Variants in DCK observed in about 807,000 individuals in gnomAD.
DCK encodes the protein deoxycytidine kinase.
Under a neutral mutation model 38.3 loss-of-function variants are expected in DCK, and 23 were observed. That is an observed-to-expected ratio of 0.60 (90% confidence interval 0.43 to 0.85). The LOEUF (loss-of-function observed/expected upper bound fraction) is 0.85. Among genes scored for constraint, DCK ranks in the 40% least tolerant of loss-of-function variants. The pLI, the probability that DCK is intolerant of heterozygous loss-of-function variation, is 0.00. For missense variants in DCK, 259 were observed against 304.4 expected (o/e 0.85, Z 1.11); for synonymous variants, 108 against 100.6 (o/e 1.07, Z -0.44).
At chr4:71,029,252 T>G in intron 6 of DCK, 100 bp from the exon 7 acceptor site, 1 of 682,256 alleles carries the variant, frequency 1.5e-6, no homozygotes. Flanking sequence ...CTTATACAGC[T>G]GGGGTCTTCA....
chr4:70,998,846 CCAGGCAG>C (rs1408944639), intron 2 of DCK, among the ~76,000 whole-genome samples: 5 of 151,696 alleles, frequency 3.3e-5, no homozygotes, highest in Non-Finnish European at 5.9e-5. Context: ...TTTCTTGAAC[CCAGGCAG>C]CGGAGGTTGC....
At chr4:71,001,240 T>C (rs1253235940) in intron 2 of DCK, among the ~76,000 whole-genome samples, 1 of 152,230 alleles carries the variant, frequency 6.6e-6, no homozygotes, top group African/African-American at 2.4e-5. Flanking sequence ...TCTATTGAGA[T>C]AATCATGCGG....
At chr4:70,998,577 G>A (rs965814504) in intron 2 of DCK, among the ~76,000 whole-genome samples, 2 of 152,172 alleles carry the variant, frequency 1.3e-5, no homozygotes, top group African/African-American at 4.8e-5. Flanking sequence ...GTTGGTATCT[G>A]TGTGGAACCT....
chr4:70,999,905 GT>G (rs1399827483), intron 2 of DCK, among the ~76,000 whole-genome samples: 5 of 151,956 alleles, frequency 3.3e-5, no homozygotes, highest in African/African-American at 1.2e-4. Context: ...TAAGTTCCTT[GT>G]AGATTTTGGA....
intron 2 of DCK, among the ~76,000 whole-genome samples, chr4:71,015,684 AC>A (rs1446804311): frequency 6.6e-6 from 1 of 152,184 alleles, no homozygotes; most frequent in Middle Eastern, 3.2e-3. Flanking sequence ...GACAAAAACC[AC>A]ATGATTATCT....
At chr4:71,005,152 G>A (rs536549261) in intron 2 of DCK, among the ~76,000 whole-genome samples, 1 of 152,286 alleles carries the variant, frequency 6.6e-6, no homozygotes, top group South Asian at 2.1e-4. Flanking sequence ...TGTGAAGACT[G>A]TGGGAAAAAG....
rs1432683952 is a variant in DCK, at chr4:71,029,436, T to G, written c.*58T>G. The G allele has an allele frequency of 2.4e-6, 3 of 1,268,074 alleles. No individual in the cohort carries two copies. The highest frequency in any genetic ancestry group is 3.4e-6 in the Non-Finnish European group (3 of 871,400). 78.6% of individuals were successfully genotyped at this position (1,268,074 alleles called of 1,614,324 possible). On this transcript the variant is annotated 3_prime_UTR_variant, in exon 7 of 7. Coordinates refer to ENST00000286648, the MANE Select transcript of DCK (RefSeq NM_000788.3). ...CCAGATACTTCAGCTTTGTGTATCTTCGTAACTTCATATTAATATAAGTTT... is the reference window on the plus strand; with the variant it reads ...CCAGATACTTCAGCTTTGTGTATCTGCGTAACTTCATATTAATATAAGTTT...
intron 2 of DCK, among the ~76,000 whole-genome samples, chr4:71,006,904 A>C (rs1374634977): frequency 2.0e-5 from 3 of 152,228 alleles, no homozygotes; most frequent in African/African-American, 7.2e-5. Context: ...AAAATTGAAA[A>C]AAAAGTATCT....
At chr4:71,009,982 C>T (rs968253316) in intron 2 of DCK, among the ~76,000 whole-genome samples, 8 of 152,052 alleles carry the variant, frequency 5.3e-5, no homozygotes, top group Non-Finnish European at 1.2e-4. Flanking sequence ...TCTTAGAATG[C>T]TGTTAGTGAT....
rs1740673892 is a variant in DCK, at chr4:71,030,801, G to C, written c.*1423G>C. ...AATTACTTTGATTCCATTTTAAGTG[G>C]AGACATATTTCAGTGATTTTTAGTA... On this transcript the variant is annotated 3_prime_UTR_variant, in exon 7 of 7. Transcript: ENST00000286648. 1 of 151,980 alleles carries C rather than the reference G, an allele frequency of 6.6e-6. No homozygotes were observed. The highest frequency in any genetic ancestry group is 6.6e-5 in the Admixed American group (1 of 15,262). The allele number at this position is 151,980 out of a possible 1,614,324, so 9.4% of individuals were successfully genotyped here. A position where few individuals can be genotyped will look rare whatever the true frequency, so the allele number is the denominator to read the frequency against.
intron 2 of DCK, among the ~76,000 whole-genome samples, chr4:71,013,481 A>T (rs1740157695): frequency 6.6e-6 from 1 of 152,228 alleles, no homozygotes; most frequent in South Asian, 2.1e-4. Context: ...GTTGAAATGA[A>T]GGGAAAAATG....
chr4:71,003,717 C>T (rs1471247535), intron 2 of DCK, among the ~76,000 whole-genome samples: 2 of 152,178 alleles, frequency 1.3e-5, no homozygotes, highest in African/African-American at 4.8e-5. Context: ...TCTTCAATCT[C>T]TGATATCCTT....
chr4:70,994,251 A>G (rs1348387879), intron 1 of DCK, among the ~76,000 whole-genome samples: 2 of 152,212 alleles, frequency 1.3e-5, no homozygotes, highest in Non-Finnish European at 2.9e-5. Context: ...TGTAACTTAC[A>G]TTAAATTCAC....
chr4:71,011,302 T>C (rs1740084362), intron 2 of DCK, among the ~76,000 whole-genome samples: 1 of 150,290 alleles, frequency 6.7e-6, no homozygotes, highest in Non-Finnish European at 1.5e-5. Context: ...TCTTGAAAAT[T>C]AGTTAAGAAT....
chr4:70,994,806 A>G (rs544104813), intron 1 of DCK, among the ~76,000 whole-genome samples: 1 of 152,350 alleles, frequency 6.6e-6, no homozygotes, highest in South Asian at 2.1e-4. Flanking sequence ...TTATGATTCA[A>G]AGACCACTAA....
At chr4:71,006,356 C>G (rs968761079) in intron 2 of DCK, 7 of 805,068 alleles carry the variant, frequency 8.7e-6, no homozygotes, top group Non-Finnish European at 1.1e-5. Context: ...TTTTAAATAC[C>G]AAAATGTATG....
intron 2 of DCK, among the ~76,000 whole-genome samples, chr4:71,021,151 C>T (rs1740407251): frequency 6.7e-6 from 1 of 148,358 alleles, no homozygotes; most frequent in Non-Finnish European, 1.5e-5. Context: ...TCTCGGCTCA[C>T]TGCAAGCTCC....
At chr4:71,004,982 G>A (rs1163803792) in intron 2 of DCK, among the ~76,000 whole-genome samples, 1 of 151,804 alleles carries the variant, frequency 6.6e-6, no homozygotes, top group African/African-American at 2.4e-5. Context: ...CCTTTCTAGG[G>A]GAGTGAACGG....
intron 2 of DCK, among the ~76,000 whole-genome samples, chr4:71,005,164 C>G (rs533336428): frequency 6.6e-6 from 1 of 152,256 alleles, no homozygotes; most frequent in South Asian, 2.1e-4. Context: ...GGGAAAAAGC[C>G]TAGTATCTGG....
Sources: allele counts gnomAD v4.1 joint callset (sites outside exome capture counted in the v4.1 genomes callset), GRCh38; gene constraint gnomAD v4.1.1; transcripts MANE v1.5; gene names NCBI Gene and HGNC (gene_info 2026-07-23, HGNC 2026-07-21).